The following ZFHX2 variants were observed in gnomAD, a reference collection of about 807,000 sequenced individuals.
The protein encoded by ZFHX2 is zinc finger homeobox protein 2.
In ZFHX2, 75 loss-of-function variants were observed where a neutral mutation model predicts 164.8. The ratio of observed to expected loss-of-function variants is 0.46; its 90% confidence interval spans 0.38 to 0.55. ZFHX2 has a LOEUF of 0.55. Among genes scored for constraint, ZFHX2 ranks in the 20% least tolerant of loss-of-function variants. The pLI is 0.00. For synonymous variants in ZFHX2, 1,217 were observed against 1,351.4 expected (o/e 0.90, Z 2.18); for missense variants, 2,933 against 3,308.0 (o/e 0.89, Z 2.78).
In ZFHX2 at chr14:23,527,589, C is replaced by A. The variant is rs1878913457; in HGVS notation, c.3135+15G>T. The A allele has an allele frequency of 2.6e-6, 4 of 1,536,476 alleles. No individual in the cohort carries two copies. The highest frequency in any genetic ancestry group is 1.7e-4 in the Middle Eastern group (1 of 6,014). ...TAAGGTCTTGTTGTACCGTCCTCACCCAGCCTGTACTCACTACAAGCAGCA... is the reference window on the plus strand; with the variant it reads ...TAAGGTCTTGTTGTACCGTCCTCACACAGCCTGTACTCACTACAAGCAGCA... On this transcript the variant is annotated intron_variant, in intron 7 of 9. Coordinates refer to ENST00000419474, the MANE Select transcript of ZFHX2 (RefSeq NM_033400.3).
In ZFHX2 at chr14:23,530,208, G is replaced by C; in HGVS notation, c.2801-14C>G. Reference sequence around the variant, plus strand: ...CAGGAGCCTTCCCTGTGTAGGATGGGGGGAGAGTCAGCTTAAAGAGGTGTG... The same window carrying C: ...CAGGAGCCTTCCCTGTGTAGGATGGCGGGAGAGTCAGCTTAAAGAGGTGTG... On this transcript the variant is annotated splice_polypyrimidine_tract_variant and intron_variant, in intron 4 of 9. Transcript: ENST00000419474. 6.6e-7 allele frequency: 1 copy of C among 1,522,092 alleles called. No homozygotes were observed. The highest frequency in any genetic ancestry group is 8.8e-7 in the Non-Finnish European group (1 of 1,134,352). The allele number at this position is 1,522,092 out of a possible 1,614,324, so 94.3% of individuals were successfully genotyped here. A position where few individuals can be genotyped will look rare whatever the true frequency, so the allele number is the denominator to read the frequency against.
rs2138698643 is a variant in ZFHX2 at position 23,526,865 on chromosome 14, T to G, written c.3244A>C (p.Ser1082Arg). The G allele has an allele frequency of 6.5e-7, 1 of 1,532,586 alleles. No individual in the cohort carries two copies. Among genetic ancestry groups the G allele is most frequent in the East Asian group, 2.4e-5 (1 of 40,872 alleles). 94.9% of individuals were successfully genotyped at this position (1,532,586 alleles called of 1,614,324 possible). A position where few individuals can be genotyped will look rare whatever the true frequency, so the allele number is the denominator to read the frequency against. Residue 1082 changes from serine (S) to arginine (R), a missense_variant, in exon 8 of 10, where the codon AGC becomes CGC. Physicochemically the swap from Ser to Arg is moderately radical, Grantham distance 110. Transcript: ENST00000419474. ...PPTHGPEPTP[S>R]RDQAAEGPNL... The stretch of plus-strand genomic sequence containing the variant: ...TCCTTACCTGCTGCCTGGTCTCTGC[T>G]CGGTGTAGGCTCTGGCCCATGAGTG...
chr14:23,530,424 T>A (rs1223436675), intron 4 of ZFHX2: 2 of 685,042 alleles, frequency 2.9e-6, no homozygotes, highest in Non-Finnish European at 5.3e-6. Context: ...TTATTAAGAG[T>A]CCAGTTCCTG....
chr14:23,552,542 C>T (rs1459778038), upstream of ZFHX2, among the ~76,000 whole-genome samples: 1 of 152,020 alleles, frequency 6.6e-6, no homozygotes, highest in Non-Finnish European at 1.5e-5. Context: ...CCGCCTGCCT[C>T]GGCCTCCCAA....
chr14:23,522,798 C>T lies in ZFHX2; in HGVS notation c.6883G>A (p.Asp2295Asn). The T allele has an allele frequency of 6.5e-7, 1 of 1,536,194 alleles. No homozygotes were observed. The highest frequency in any genetic ancestry group is 8.7e-7 in the Non-Finnish European group (1 of 1,146,832). ...TCAGTAGGAGGGCCTGGGACAGGGT[C>T]AGTGGTGCCTGCTGTGGAGGTGTTG... Reference protein sequence around the residue: ...QTNTSTAGTTDPVPGPPTEPL... With the variant: ...QTNTSTAGTTNPVPGPPTEPL... The change falls in exon 10 of 10, where the codon GAC becomes AAC. Residue 2295 changes from aspartate to asparagine, a missense_variant. By Grantham distance (23) the Asp-to-Asn change is conservative (BLOSUM62 1). Coordinates refer to ENST00000419474, the MANE Select transcript of ZFHX2 (RefSeq NM_033400.3).
chr14:23,528,052 C>T (rs8020258), intron 6 of ZFHX2, among the ~76,000 whole-genome samples: 1 of 151,968 alleles, frequency 6.6e-6, no homozygotes, highest in African/African-American at 2.4e-5. Flanking sequence ...GGATTACAGG[C>T]GTGTGCAACC....
Position 23,525,254 on chromosome 14 carries a change from C to T in ZFHX2, c.4688G>A (p.Arg1563His), listed in dbSNP as rs1016282538. ...TGCTCGACTTCGCTCTTCAGGGGCACGGGTCCCCCCTGCCTCAGGCTCTGG... is the reference window on the plus strand; with the variant it reads ...TGCTCGACTTCGCTCTTCAGGGGCATGGGTCCCCCCTGCCTCAGGCTCTGG... ...LVPEPEAGGT[R>H]APEERSRAGG... Residue 1563 changes from arginine (R) to histidine (H), a missense_variant, in exon 9 of 10, where the codon CGT becomes CAT. Physicochemically the swap from Arg to His is conservative, Grantham distance 29 (BLOSUM62 0). Transcript: ENST00000419474. The surrounding 1 kb of genome is among the most constrained non-coding windows in gnomAD (Gnocchi z 5.9). 28 of 1,535,958 alleles carry T rather than the reference C, an allele frequency of 1.8e-5. No homozygotes were observed. The highest frequency in any genetic ancestry group is 5.5e-5 in the African/African-American group (4 of 73,010).
intron 5 of ZFHX2, 98 bp from the exon 6 acceptor site, chr14:23,529,866 G>A: frequency 1.6e-6 from 2 of 1,279,450 alleles, no homozygotes; most frequent in Non-Finnish European, 2.2e-6. Flanking sequence ...ACTAGAGAAA[G>A]GGCAGGAAAC....
chr14:23,551,073 C>T lies in ZFHX2; in HGVS notation c.-50+270G>A, dbSNP rs1432453916. Among the ~76,000 whole-genome samples, 1 of 152,048 alleles carries T rather than the reference C, an allele frequency of 6.6e-6. No individual in the cohort carries two copies. The highest frequency in any genetic ancestry group is 1.5e-5 in the Non-Finnish European group (1 of 68,002). ...CTGCCTTTCCCGTTCCCGTTTCTCC[C>T]TCCACCCCCGCATCTCTCTTCCCCC... On this transcript the variant is annotated intron_variant, in intron 1 of 9. Coordinates refer to ENST00000419474, the MANE Select transcript of ZFHX2 (RefSeq NM_033400.3). The surrounding 1 kb of genome is among the most constrained non-coding windows in gnomAD (Gnocchi z 5.3).
At position 23,535,973 on chromosome 14, in the gene ZFHX2, C is replaced by T. The variant is rs1880097139; in HGVS notation, c.-49-599G>A. On this transcript the variant is annotated intron_variant, in intron 1 of 9. Coordinates refer to ENST00000419474, the MANE Select transcript of ZFHX2 (RefSeq NM_033400.3). This position sits in a 1 kb window ranked among gnomAD's most constrained non-coding sequence, Gnocchi z 4.5. ...GTTGGTACCAACATTTATCCAGTGG[C>T]TTAGACTAAAAACCCAAAGTTTTAT... Among the ~76,000 whole-genome samples the T allele has an allele frequency of 6.6e-6, 1 of 152,216 alleles. No individual in the cohort carries two copies. Among genetic ancestry groups the T allele is most frequent in the African/African-American group, 2.4e-5 (1 of 41,458 alleles).
Position 23,527,821 on chromosome 14 carries a change from GGC to G in ZFHX2, c.2935-19_2935-18del, listed in dbSNP as rs1225971014. On this transcript the variant is annotated intron_variant, in intron 6 of 9. Coordinates refer to ENST00000419474, the MANE Select transcript of ZFHX2 (RefSeq NM_033400.3). ...GCAGTATACCTGGAGGGAACATATG[GGC>G]AGTGGACGAAGTGTCAGGGAAGGAT... is the stretch of plus-strand genomic sequence containing the variant. 1 of 1,534,676 alleles carries G rather than the reference GGC, an allele frequency of 6.5e-7. No individual in the cohort carries two copies. The highest frequency in any genetic ancestry group is 8.7e-7 in the Non-Finnish European group (1 of 1,146,580).
upstream of ZFHX2, chr14:23,555,880 C>A (rs1310021831): frequency 6.6e-6 from 1 of 152,264 alleles, no homozygotes; most frequent in Non-Finnish European, 1.5e-5. Flanking sequence ...GCCTTGTAGC[C>A]CCAGTTCAGC....
chr14:23,543,179 T>C (rs1311976922), intron 1 of ZFHX2: 1 of 152,280 alleles, frequency 6.6e-6, no homozygotes, highest in African/African-American at 2.4e-5. Flanking sequence ...ATGTTTGCCA[T>C]GGGCCAGGCA....
chr14:23,553,459 C>T (rs1317265620), upstream of ZFHX2, among the ~76,000 whole-genome samples: 10 of 151,930 alleles, frequency 6.6e-5, no homozygotes, highest in African/African-American at 2.4e-4. Flanking sequence ...ATTAGCTGGG[C>T]GTGGTGGTGG....
At chr14:23,542,466 T>C (rs1171622383) in intron 1 of ZFHX2, among the ~76,000 whole-genome samples, 1 of 152,124 alleles carries the variant, frequency 6.6e-6, no homozygotes, top group Non-Finnish European at 1.5e-5. Flanking sequence ...CCTTGATGAC[T>C]TGGAAAGTGT....
intron 4 of ZFHX2, chr14:23,531,036 G>C (rs1879480406): frequency 6.4e-6 from 1 of 157,044 alleles, no homozygotes; most frequent in Non-Finnish European, 1.4e-5. Context: ...GACAGGAAGA[G>C]GCTGGGAAGC....
At chr14:23,541,023 T>C (rs1401713743) in intron 1 of ZFHX2, among the ~76,000 whole-genome samples, 1 of 151,930 alleles carries the variant, frequency 6.6e-6, no homozygotes, top group African/African-American at 2.4e-5. Context: ...CTCCCTGCCA[T>C]AGCCTCCCGA....
At position 23,524,341 on chromosome 14, in the gene ZFHX2, C is replaced by T. The variant is rs562244250; in HGVS notation, c.5601G>A (p.Glu1867=). 676 of 1,536,284 alleles carry T rather than the reference C, an allele frequency of 4.4e-4. 6 individuals are homozygous for T. The South Asian group carries it at 7.5e-3, about 17-fold the overall frequency. ...DKRLRTTILP[E]QLEILYRWYM... ...ACCAACGGTACAGGATCTCTAGCTG[C>T]TCAGGCAAGATGGTGGTGCGCAGGC... The change falls in exon 9 of 10, where the codon GAG becomes GAA. Residue 1867 remains glutamate (E), a synonymous_variant. Transcript: ENST00000419474. This position sits in a 1 kb window ranked among gnomAD's most constrained non-coding sequence, Gnocchi z 5.6.
Position 23,531,700 on chromosome 14 carries a change from C to T in ZFHX2, c.2581G>A (p.Ala861Thr), listed in dbSNP as rs1879574556. 2 of 1,378,222 alleles carry T rather than the reference C, an allele frequency of 1.5e-6. No homozygotes were observed. The highest frequency in any genetic ancestry group is 1.9e-6 in the Non-Finnish European group (2 of 1,060,636). 85.4% of individuals were successfully genotyped at this position (1,378,222 alleles called of 1,614,324 possible). Residue 861 changes from alanine to threonine, a missense_variant, in exon 4 of 10, where the codon GCG becomes ACG. Coordinates refer to ENST00000419474, the MANE Select transcript of ZFHX2 (RefSeq NM_033400.3). ...AGCCCCAGCTCTGCCCCTGCCTCCG[C>T]TCCCTCCATGTCCAGCAGAAACTAG... Reference protein sequence around the residue: ...IYKFLLDMEGAEAGAELGLYH... With the variant: ...IYKFLLDMEGTEAGAELGLYH...
Sources: gnomAD v4.1 joint callset for allele counts (sites outside exome capture counted in the v4.1 genomes callset) on GRCh38, gnomAD v4.1.1 for gene constraint, Gnocchi (gnomAD v3.1) non-coding constraint, MANE v1.5 for transcripts, NCBI Gene and HGNC (gene_info 2026-07-23, HGNC 2026-07-21) for gene names.